The following MYO1D variants were observed in gnomAD, a reference collection of about 807,000 sequenced individuals.
MYO1D encodes unconventional myosin-Id.
A neutral mutation model predicts 122.0 loss-of-function variants in MYO1D; 83 were observed. The observed-to-expected ratio is 0.68, with a 90% CI of 0.57 to 0.82. The LOEUF is 0.82. Ranked by LOEUF, MYO1D falls within the 40% of genes least tolerant of loss-of-function variation. The probability of loss-of-function intolerance (pLI) is 0.00; values close to 1 mark genes in which losing one functional copy is unlikely to be tolerated. For missense variants in MYO1D, 1,157 were observed against 1,269.5 expected (o/e 0.91, Z 1.35); for synonymous variants, 464 against 446.9 (o/e 1.04, Z -0.48).
intron 1 of MYO1D, among the ~76,000 whole-genome samples, chr17:32,817,349 C>A (rs2430989): frequency 0.47 from 70,774 of 152,000 alleles, 16,632 homozygotes; most frequent in East Asian, 0.53. Context: ...GGAAAACAAC[C>A]ACCAGATTAT....
chr17:32,668,247 T>G (rs2088663284), intron 16 of MYO1D, among the ~76,000 whole-genome samples: 1 of 152,174 alleles, frequency 6.6e-6, no homozygotes, highest in Non-Finnish European at 1.5e-5. Context: ...AGATCCAAAG[T>G]GGTGTCTGGC....
intron 1 of MYO1D, among the ~76,000 whole-genome samples, chr17:32,860,024 A>G (rs2091056590): frequency 6.6e-6 from 1 of 152,138 alleles, no homozygotes. Flanking sequence ...AATGCTAACT[A>G]ATGTGACATG....
intron 21 of MYO1D, among the ~76,000 whole-genome samples, chr17:32,580,656 G>A (rs191278085): frequency 3.3e-4 from 50 of 152,090 alleles, no homozygotes; most frequent in African/African-American, 1.2e-3. Flanking sequence ...TGATCTGCCT[G>A]CCTTGGGCTC....
intron 1 of MYO1D, among the ~76,000 whole-genome samples, chr17:32,856,111 T>C (rs900003423): frequency 3.0e-4 from 45 of 152,122 alleles, no homozygotes; most frequent in Admixed American, 2.9e-3. Context: ...CTTTTTGAAA[T>C]AGTATAGACC....
Position 32,737,915 on chromosome 17 carries a change from A to G in MYO1D, c.1746+338T>C, listed in dbSNP as rs2089725127. Among the ~76,000 whole-genome samples, 3 of 152,292 alleles carry G rather than the reference A, an allele frequency of 2.0e-5. No homozygotes were observed. The South Asian group carries it at 6.2e-4, about 32-fold the overall frequency. On this transcript the variant is annotated intron_variant, in intron 14 of 21. Coordinates refer to ENST00000318217, the MANE Select transcript of MYO1D (RefSeq NM_015194.3). Reference sequence around the variant, plus strand: ...ACTTAATTCAAGACTTTACTTATTTATTTTGGCCAGGTCCTGTTTTCAGCA... The same window carrying G: ...ACTTAATTCAAGACTTTACTTATTTGTTTTGGCCAGGTCCTGTTTTCAGCA...
At chr17:32,556,989 CA>C (rs2087073452) in intron 21 of MYO1D, among the ~76,000 whole-genome samples, 1 of 152,064 alleles carries the variant, frequency 6.6e-6, no homozygotes, top group Admixed American at 6.6e-5. Flanking sequence ...ACAAATGATG[CA>C]GGGAAATCAC....
intron 16 of MYO1D, among the ~76,000 whole-genome samples, chr17:32,710,585 G>A (rs536536837): frequency 1.3e-5 from 2 of 152,194 alleles, no homozygotes; most frequent in Admixed American, 1.3e-4. Flanking sequence ...AAATATTGAA[G>A]ACTTTGATTA....
intron 21 of MYO1D, among the ~76,000 whole-genome samples, chr17:32,556,795 G>A (rs997549578): frequency 6.6e-6 from 1 of 152,076 alleles, no homozygotes; most frequent in Non-Finnish European, 1.5e-5. Context: ...AAGACCATGG[G>A]AATTAAATGA....
At chr17:32,552,314 T>C (rs1477178560) in intron 21 of MYO1D, among the ~76,000 whole-genome samples, 1 of 152,172 alleles carries the variant, frequency 6.6e-6, no homozygotes, top group Non-Finnish European at 1.5e-5. Context: ...TGGGTTCAAA[T>C]AATTGGCCCA....
chr17:32,681,656 G>C (rs576214628), intron 16 of MYO1D, among the ~76,000 whole-genome samples: 8 of 151,840 alleles, frequency 5.3e-5, no homozygotes, highest in African/African-American at 1.9e-4. Context: ...TTGCTGAGGA[G>C]AGCTTTACTT....
chr17:32,511,301 G>A (rs1235389947), intron 21 of MYO1D, among the ~76,000 whole-genome samples: 1 of 151,702 alleles, frequency 6.6e-6, no homozygotes, highest in Non-Finnish European at 1.5e-5. Flanking sequence ...ATAGTTCACT[G>A]CAGCCTCAAA....
intron 11 of MYO1D, 128 bp downstream of exon 11, chr17:32,755,364 T>C (rs1392240682): frequency 2.1e-6 from 2 of 970,414 alleles, no homozygotes; most frequent in Non-Finnish European, 3.0e-6. Flanking sequence ...ATTTAATGAA[T>C]GTTTATGACT....
intron 19 of MYO1D, among the ~76,000 whole-genome samples, chr17:32,647,942 G>A (rs1011293780): frequency 1.3e-4 from 20 of 152,158 alleles, no homozygotes; most frequent in African/African-American, 4.3e-4. Flanking sequence ...GACTGGGCAC[G>A]ATGGCTCATG....
intron 16 of MYO1D, among the ~76,000 whole-genome samples, chr17:32,673,090 C>CCTTTTTTTTTTT (rs2088745716): frequency 3.5e-5 from 1 of 28,628 alleles, no homozygotes; most frequent in Non-Finnish European, 8.5e-5. Context: ...AAACATGCTA[C>CCTTTTTTTTTTT]TTTTTTTTTT....
intron 1 of MYO1D, among the ~76,000 whole-genome samples, chr17:32,871,679 T>G (rs1283680791): frequency 6.6e-6 from 1 of 152,248 alleles, no homozygotes; most frequent in African/African-American, 2.4e-5. Flanking sequence ...AAAGCATTTC[T>G]GTCAAGGACA....
At chr17:32,500,728 C>T (rs1179624774) in intron 21 of MYO1D, among the ~76,000 whole-genome samples, 1 of 152,146 alleles carries the variant, frequency 6.6e-6, no homozygotes, top group African/African-American at 2.4e-5. Flanking sequence ...ATTGAGGGGC[C>T]AGGCGCAGTG....
chr17:32,631,876 G>A (rs2088012012), intron 20 of MYO1D, among the ~76,000 whole-genome samples: 1 of 152,032 alleles, frequency 6.6e-6, no homozygotes, highest in Non-Finnish European at 1.5e-5. Flanking sequence ...TATAGGGGTG[G>A]GGAACATGGG....
chr17:32,579,822 C>T (rs979744463), intron 21 of MYO1D, among the ~76,000 whole-genome samples: 1 of 152,200 alleles, frequency 6.6e-6, no homozygotes, highest in Non-Finnish European at 1.5e-5. Context: ...ATCAATAGCT[C>T]ATTCTTTTTA....
rs564547375 is a variant in MYO1D, at chr17:32,681,558, G to A, written c.2122-22220C>T. Among the ~76,000 whole-genome samples the A allele has an allele frequency of 1.1e-4, 17 of 151,708 alleles. 1 individual carries two copies. In the East Asian group the frequency reaches 1.7e-3, roughly 16 times the overall value. On this transcript the variant is annotated intron_variant, in intron 16 of 21. Coordinates refer to ENST00000318217, the MANE Select transcript of MYO1D (RefSeq NM_015194.3). ...TTGTTCAGTTTCCATGTAGTTGAGC[G>A]GCTTTGAGTGGGATTCTTAATCCTG...
Sources: gnomAD v4.1 joint callset for allele counts (sites outside exome capture counted in the v4.1 genomes callset) on GRCh38, gnomAD v4.1.1 for gene constraint, MANE v1.5 for transcripts, NCBI Gene and HGNC (gene_info 2026-07-23, HGNC 2026-07-21) for gene names.